The following MICU1 variants were observed in gnomAD, a reference collection of about 807,000 sequenced individuals.
MICU1 encodes calcium uptake protein 1, mitochondrial.
MICU1 carries 45 observed loss-of-function variants against 56.8 expected under a neutral mutation model. That is an observed-to-expected ratio of 0.79 (90% confidence interval 0.62 to 1.02). The LOEUF (loss-of-function observed/expected upper bound fraction) is 1.02, where lower values mean the gene tolerates loss of function less well. MICU1 is among the 50% of genes least tolerant of loss of function. MICU1 has a pLI of 0.00. For synonymous variants in MICU1, 186 were observed against 195.1 expected, an observed-to-expected ratio of 0.95 and a Z score of 0.39; for missense variants, 504 against 587.1, an observed-to-expected ratio of 0.86 and a Z score of 1.46.
At chr10:72,611,287 A>G (rs1841840625) in intron 1 of MICU1, among the ~76,000 whole-genome samples, 1 of 149,484 alleles carries the variant, frequency 6.7e-6, no homozygotes, top group Admixed American at 6.7e-5. Context: ...TGGGAGACAC[A>G]GCGAGACTCC....
At chr10:72,562,873 C>T (rs1487981027) in intron 3 of MICU1, 22 bp downstream of exon 3, 4 of 1,553,310 alleles carry the variant, frequency 2.6e-6, no homozygotes, top group African/African-American at 2.8e-5. Context: ...TTCTGATCAA[C>T]TTATAAGACT....
At chr10:72,400,924 T>A (rs1318911226) in intron 10 of MICU1, among the ~76,000 whole-genome samples, 2 of 151,494 alleles carry the variant, frequency 1.3e-5, no homozygotes, top group African/African-American at 4.9e-5. Flanking sequence ...TATCATTAAC[T>A]TGTTTTTCAA....
At chr10:72,504,032 T>C (rs886118642) in intron 6 of MICU1, among the ~76,000 whole-genome samples, 5 of 152,128 alleles carry the variant, frequency 3.3e-5, no homozygotes, top group Non-Finnish European at 7.4e-5. Flanking sequence ...TTGGCAGAAT[T>C]AATATTGTTA....
At chr10:72,391,930 T>A (rs1231039107) in intron 10 of MICU1, 1 of 152,150 alleles carries the variant, frequency 6.6e-6, no homozygotes, top group African/African-American at 2.4e-5. Context: ...TGAAAACAGC[T>A]AATCCCTCAC....
At chr10:72,542,195 T>C (rs1179977525) in intron 4 of MICU1, among the ~76,000 whole-genome samples, 1 of 152,218 alleles carries the variant, frequency 6.6e-6, no homozygotes, top group Admixed American at 6.5e-5. Context: ...ACTCTTTTTA[T>C]GGACACTGAA....
chr10:72,559,165 G>A (rs942867221), intron 3 of MICU1, among the ~76,000 whole-genome samples: 5 of 152,060 alleles, frequency 3.3e-5, no homozygotes, highest in Non-Finnish European at 7.3e-5. Flanking sequence ...TCCAGCCTAT[G>A]TGACAGAGCA....
chr10:72,409,674 G>C (rs1022459548), intron 9 of MICU1, among the ~76,000 whole-genome samples: 1 of 152,166 alleles, frequency 6.6e-6, no homozygotes, highest in Non-Finnish European at 1.5e-5. Flanking sequence ...CTGGGTGACA[G>C]GGCTAGACGC....
At chr10:72,464,053 T>C (rs1865714907) in intron 8 of MICU1, among the ~76,000 whole-genome samples, 6 of 152,170 alleles carry the variant, frequency 3.9e-5, no homozygotes, top group Admixed American at 3.9e-4. Flanking sequence ...CCCAGCACTT[T>C]GGGAGGCTGG....
chr10:72,613,927 C>G (rs1841916260), intron 1 of MICU1, among the ~76,000 whole-genome samples: 1 of 152,106 alleles, frequency 6.6e-6, no homozygotes, highest in African/African-American at 2.4e-5. Flanking sequence ...GGGGGATCAC[C>G]TGAGGTCACG....
intron 8 of MICU1, among the ~76,000 whole-genome samples, chr10:72,472,516 A>G (rs1865982328): frequency 6.6e-6 from 1 of 152,194 alleles, no homozygotes; most frequent in Non-Finnish European, 1.5e-5. Flanking sequence ...TTATCTATCC[A>G]GCTGTGCAAG....
In MICU1 at chr10:72,551,319, A is replaced by T; in HGVS notation, c.353T>A (p.Ile118Asn). The stretch of plus-strand genomic sequence containing the variant: ...TTTGTCTGGCGTGGAGTAGGCTCGA[A>T]TCCTATTCTCATATTCCATCACCTA... ...DRKVMEYENR[I>N]RAYSTPDKIF... Residue 118 changes from isoleucine to asparagine, a missense_variant, in exon 4 of 12, where the codon ATT (isoleucine) becomes AAT (asparagine). Ile to Asn is a moderately radical substitution (Grantham distance 149). Coordinates refer to ENST00000361114, the MANE Select transcript of MICU1 (RefSeq NM_001195518.2). The T allele has an allele frequency of 6.2e-7, 1 of 1,610,508 alleles. No homozygotes were observed. The highest frequency in any genetic ancestry group is 8.5e-7 in the Non-Finnish European group (1 of 1,178,554).
In MICU1 at chr10:72,423,256, T is replaced by C. The variant is rs1296006926; in HGVS notation, c.1049A>G (p.Lys350Arg). Residue 350 changes from lysine to arginine, a missense_variant, in exon 9 of 12, where the codon AAG becomes AGG. Lys to Arg is a conservative substitution (Grantham distance 26). Transcript: ENST00000361114. Reference protein sequence around the residue: ...KKLTAMQRQLKKHFKEGKGLT... With the variant: ...KKLTAMQRQLRKHFKEGKGLT... The stretch of plus-strand genomic sequence containing the variant: ...TACCTTTCCTTCTTTGAAGTGCTTC[T>C]TGAGCTGCCTCTGCATGGCGGTCAG... 1 of 1,613,920 alleles carries C rather than the reference T, an allele frequency of 6.2e-7. No homozygotes were observed. Among genetic ancestry groups the C allele is most frequent in the Middle Eastern group, 1.6e-4 (1 of 6,062 alleles).
chr10:72,624,447 G>A (rs548639821), intron 1 of MICU1, among the ~76,000 whole-genome samples: 3 of 152,150 alleles, frequency 2.0e-5, no homozygotes, highest in Admixed American at 2.0e-4. Flanking sequence ...CAAATTGCTG[G>A]GATTATGGGC....
intron 8 of MICU1, chr10:72,473,147 CA>C (rs1339486072): frequency 6.6e-6 from 1 of 152,014 alleles, no homozygotes. Context: ...AGACCCAAAA[CA>C]CTTCTAATAG....
intron 2 of MICU1, among the ~76,000 whole-genome samples, chr10:72,564,783 T>C (rs1329470536): frequency 6.6e-6 from 1 of 152,042 alleles, no homozygotes; most frequent in Non-Finnish European, 1.5e-5. Flanking sequence ...CAGAACACTC[T>C]CGAGTATTGA....
At chr10:72,380,710 C>T (rs545836039) in intron 10 of MICU1, among the ~76,000 whole-genome samples, 1 of 152,178 alleles carries the variant, frequency 6.6e-6, no homozygotes, top group Non-Finnish European at 1.5e-5. Context: ...GGTAACAGAG[C>T]TGGGTCTCGA....
intron 2 of MICU1, among the ~76,000 whole-genome samples, chr10:72,566,039 C>CTT (rs11376019): frequency 0.14 from 9,447 of 69,618 alleles, 420 homozygotes; most frequent in African/African-American, 0.17. Context: ...CATTCATTTT[C>CTT]TTTTTTTTTT....
At chr10:72,603,558 C>T (rs1249997972) in intron 1 of MICU1, among the ~76,000 whole-genome samples, 1 of 151,916 alleles carries the variant, frequency 6.6e-6, no homozygotes, top group Non-Finnish European at 1.5e-5. Flanking sequence ...TAGCTCACAC[C>T]TATAATCCCA....
chr10:72,541,517 C>T (rs978348428), intron 4 of MICU1, among the ~76,000 whole-genome samples: 2 of 152,146 alleles, frequency 1.3e-5, no homozygotes, highest in African/African-American at 4.8e-5. Context: ...ATGACTGAAC[C>T]TGTCCTGTGG....
Sources: gnomAD v4.1 joint callset for allele counts (sites outside exome capture counted in the v4.1 genomes callset) on GRCh38, gnomAD v4.1.1 for gene constraint, MANE v1.5 for transcripts, NCBI Gene and HGNC (gene_info 2026-07-23, HGNC 2026-07-21) for gene names.